Variants in ZNF827 observed in about 807,000 individuals in gnomAD.
ZNF827 encodes zinc finger protein 827.
A neutral mutation model predicts 102.4 loss-of-function variants in ZNF827; 13 were observed. The observed-to-expected ratio is 0.13, with a 90% CI of 0.08 to 0.20. The LOEUF (loss-of-function observed/expected upper bound fraction) is 0.20. Among genes scored for constraint, ZNF827 ranks in the 10% least tolerant of loss-of-function variants. The pLI is 1.00. For missense variants in ZNF827, 1,103 were observed against 1,344.4 expected, an observed-to-expected ratio of 0.82 and a Z score of 2.81; for synonymous variants, 523 against 536.2, an observed-to-expected ratio of 0.98 and a Z score of 0.34.
chr4:145,835,589 A>G (rs2126577769), intron 7 of ZNF827, among the ~76,000 whole-genome samples: 1 of 149,386 alleles, frequency 6.7e-6, no homozygotes, highest in East Asian at 2.1e-4. Context: ...CTTCTTCCCA[A>G]TCCAAAGCCT....
chr4:145,817,532 C>T (rs540591891), intron 8 of ZNF827, among the ~76,000 whole-genome samples: 41 of 152,244 alleles, frequency 2.7e-4, no homozygotes, highest in Non-Finnish European at 4.3e-4. Context: ...TGGAGGCAGA[C>T]AAGGGTGAGT....
chr4:145,775,052 G>A (rs1233098105), intron 10 of ZNF827, among the ~76,000 whole-genome samples: 1 of 152,174 alleles, frequency 6.6e-6, no homozygotes, highest in African/African-American at 2.4e-5. Flanking sequence ...TAAACTCGGA[G>A]AGCACCTCAT....
chr4:145,892,110 G>A (rs563945310), intron 3 of ZNF827, 133 bp downstream of exon 3: 19 of 767,372 alleles, frequency 2.5e-5, no homozygotes, highest in African/African-American at 8.8e-5. Flanking sequence ...ACCTTGCTAC[G>A]TGGAGTACTG....
At chr4:145,809,583 G>A (rs148121544) in intron 8 of ZNF827, among the ~76,000 whole-genome samples, 52 of 152,286 alleles carry the variant, frequency 3.4e-4, no homozygotes, top group African/African-American at 1.1e-3. Flanking sequence ...CAGGAGTCAC[G>A]TGGCCAGAGG....
chr4:145,914,604 C>T (rs573411319), intron 1 of ZNF827, among the ~76,000 whole-genome samples: 10 of 152,316 alleles, frequency 6.6e-5, no homozygotes, highest in African/African-American at 2.4e-4. Context: ...CTGGTACACA[C>T]AGAAGTCAAC....
At chr4:145,770,481 T>A (rs1030197600) in intron 11 of ZNF827, among the ~76,000 whole-genome samples, 1 of 151,798 alleles carries the variant, frequency 6.6e-6, no homozygotes, top group Non-Finnish European at 1.5e-5. Context: ...ACTTGCCTCA[T>A]ATGGTGGTTG....
At chr4:145,897,557 A>G (rs988238540) in intron 2 of ZNF827, among the ~76,000 whole-genome samples, 1 of 152,144 alleles carries the variant, frequency 6.6e-6, no homozygotes, top group Non-Finnish European at 1.5e-5. Flanking sequence ...AACAATACAC[A>G]TGGACTTTAA....
intron 1 of ZNF827, among the ~76,000 whole-genome samples, chr4:145,915,595 T>C (rs886066225): frequency 6.6e-6 from 1 of 152,204 alleles, no homozygotes; most frequent in Admixed American, 6.5e-5. Flanking sequence ...TTCCAACATA[T>C]GAATTCTGGG....
intron 1 of ZNF827, among the ~76,000 whole-genome samples, chr4:145,936,545 G>A (rs965129106): frequency 4.6e-5 from 7 of 152,128 alleles, no homozygotes; most frequent in African/African-American, 1.7e-4. Context: ...TTTGCGGAGC[G>A]GACTGCTTGC....
At chr4:145,776,513 CT>C (rs986085828) in intron 9 of ZNF827, among the ~76,000 whole-genome samples, 3 of 150,118 alleles carry the variant, frequency 2.0e-5, no homozygotes, top group Admixed American at 6.7e-5. Flanking sequence ...AGATAACCTG[CT>C]TTTTTTTTCC....
intron 8 of ZNF827, among the ~76,000 whole-genome samples, chr4:145,803,958 C>T (rs1196549393): frequency 6.6e-6 from 1 of 152,068 alleles, no homozygotes; most frequent in Non-Finnish European, 1.5e-5. Context: ...CTGGTATATG[C>T]TTGTGCAACC....
rs940514015 is a variant in ZNF827, at chr4:145,759,697, T to C, written c.*1919A>G. On this transcript the variant is annotated 3_prime_UTR_variant, in exon 15 of 15. Coordinates refer to ENST00000508784, the MANE Select transcript of ZNF827 (RefSeq NM_001306215.2). Reference sequence around the variant, plus strand: ...CTTCCTTTTATTTTACTTTTTTTTTTTCAGATGAGAAACAAAAACTAGTGC... The same window carrying C: ...CTTCCTTTTATTTTACTTTTTTTTTCTCAGATGAGAAACAAAAACTAGTGC... 5 of 152,190 alleles carry C rather than the reference T, an allele frequency of 3.3e-5. No homozygotes were observed. The highest frequency in any genetic ancestry group is 7.3e-5 in the Non-Finnish European group (5 of 68,036). 9.4% of individuals were successfully genotyped at this position (152,190 alleles called of 1,614,324 possible). A position where few individuals can be genotyped will look rare whatever the true frequency, so the allele number is the denominator to read the frequency against.
At chr4:145,774,294 G>C (rs1186347353) in intron 11 of ZNF827, among the ~76,000 whole-genome samples, 1 of 152,180 alleles carries the variant, frequency 6.6e-6, no homozygotes, top group Non-Finnish European at 1.5e-5. Flanking sequence ...CTGAACTTGG[G>C]AGTCTTTCAG....
intron 4 of ZNF827, among the ~76,000 whole-genome samples, chr4:145,880,877 G>A (rs1488564898): frequency 1.3e-5 from 2 of 152,184 alleles, no homozygotes; most frequent in African/African-American, 4.8e-5. Context: ...GCCGTCGTAG[G>A]GTGTGAATAA....
intron 11 of ZNF827, among the ~76,000 whole-genome samples, chr4:145,768,890 A>AAT (rs1553975846): frequency 0.018 from 138 of 7,728 alleles, 18 homozygotes; most frequent in Non-Finnish European, 0.031. Flanking sequence ...AAAAAAAAAA[A>AAT]ATATATATAT....
intron 1 of ZNF827, among the ~76,000 whole-genome samples, chr4:145,904,505 AG>A (rs1751674188): frequency 6.6e-6 from 1 of 152,242 alleles, no homozygotes; most frequent in Non-Finnish European, 1.5e-5. Context: ...GTGGCATTTC[AG>A]CAAAGCCTTG....
intron 1 of ZNF827, among the ~76,000 whole-genome samples, chr4:145,923,863 G>T (rs939016762): frequency 6.6e-6 from 1 of 152,120 alleles, no homozygotes; most frequent in Non-Finnish European, 1.5e-5. Flanking sequence ...CGCACAAAAG[G>T]TTTTTGGAGT....
intron 5 of ZNF827, among the ~76,000 whole-genome samples, chr4:145,865,498 C>T (rs1157382704): frequency 6.6e-6 from 1 of 152,152 alleles, no homozygotes; most frequent in Non-Finnish European, 1.5e-5. Flanking sequence ...CTCCCACCCC[C>T]AGAGTTTCAA....
At chr4:145,886,436 T>C (rs1750126125) in intron 3 of ZNF827, among the ~76,000 whole-genome samples, 1 of 152,192 alleles carries the variant, frequency 6.6e-6, no homozygotes, top group Non-Finnish European at 1.5e-5. Context: ...ATTCTAGTCA[T>C]CTGATCTCAG....
Sources: gnomAD v4.1 joint callset for allele counts (sites outside exome capture counted in the v4.1 genomes callset) on GRCh38, gnomAD v4.1.1 for gene constraint, MANE v1.5 for transcripts, NCBI Gene and HGNC (gene_info 2026-07-23, HGNC 2026-07-21) for gene names.